PLPPR1: variants seen among roughly 807,000 people sequenced by gnomAD.
The protein encoded by PLPPR1 is phospholipid phosphatase related 1.
Under a neutral mutation model 33.1 loss-of-function variants are expected in PLPPR1, and 10 were observed. The ratio of observed to expected loss-of-function variants is 0.30; its 90% CI spans 0.19 to 0.51. PLPPR1 has a LOEUF of 0.51. Ranked by LOEUF, PLPPR1 falls within the 20% of genes least tolerant of loss-of-function variation. PLPPR1 has a pLI of 0.97. For missense variants in PLPPR1, 304 were observed against 408.1 expected (o/e 0.74, Z 2.20); for synonymous variants, 151 against 151.0 (o/e 1.00, Z 0.00).
intron 2 of PLPPR1, among the ~76,000 whole-genome samples, chr9:101,208,937 T>A (rs879896008): frequency 6.6e-6 from 1 of 152,202 alleles, no homozygotes; most frequent in Non-Finnish European, 1.5e-5. Flanking sequence ...ATTCACTTAC[T>A]GTCATTTATT....
chr9:101,046,090 T>A (rs1830139778), intron 1 of PLPPR1, among the ~76,000 whole-genome samples: 1 of 152,310 alleles, frequency 6.6e-6, no homozygotes, highest in African/African-American at 2.4e-5. Context: ...CTAATGCATC[T>A]ATGTGTCTGT....
intron 1 of PLPPR1, among the ~76,000 whole-genome samples, chr9:101,145,879 G>T (rs1329193740): frequency 6.7e-6 from 1 of 148,314 alleles, no homozygotes; most frequent in East Asian, 2.0e-4. Flanking sequence ...AGCCAAATAT[G>T]CTGGCAAGTG....
chr9:101,076,176 G>C (rs377720702), intron 1 of PLPPR1, among the ~76,000 whole-genome samples: 114 of 152,178 alleles, frequency 7.5e-4, no homozygotes, highest in African/African-American at 2.6e-3. Flanking sequence ...ACACTCTGGG[G>C]TGGGGCCCAG....
chr9:101,207,994 C>T (rs1221836080), intron 2 of PLPPR1, among the ~76,000 whole-genome samples: 1 of 152,140 alleles, frequency 6.6e-6, no homozygotes, highest in African/African-American at 2.4e-5. Flanking sequence ...ATGCCTCCTG[C>T]AAAGTTGAAA....
At chr9:101,276,554 G>A (rs1172710807) in intron 3 of PLPPR1, among the ~76,000 whole-genome samples, 1 of 152,060 alleles carries the variant, frequency 6.6e-6, no homozygotes, top group Non-Finnish European at 1.5e-5. Context: ...AAAAATATGT[G>A]ATTTTCAATG....
chr9:101,275,681 A>G (rs1476265886), intron 3 of PLPPR1, among the ~76,000 whole-genome samples: 1 of 152,288 alleles, frequency 6.6e-6, no homozygotes, highest in East Asian at 1.9e-4. Flanking sequence ...CTCAGCAGAG[A>G]ATCTGATTTA....
intron 3 of PLPPR1, among the ~76,000 whole-genome samples, chr9:101,276,740 C>G (rs1342319289): frequency 6.6e-6 from 1 of 152,220 alleles, no homozygotes; most frequent in Non-Finnish European, 1.5e-5. Context: ...TATTTTATAT[C>G]AAGTGCCACC....
At chr9:101,059,621 A>G (rs1254961668) in intron 1 of PLPPR1, among the ~76,000 whole-genome samples, 1 of 152,128 alleles carries the variant, frequency 6.6e-6, no homozygotes, top group Non-Finnish European at 1.5e-5. Context: ...CTCAATAGCA[A>G]AACCACAAAT....
chr9:101,322,312 T>C (rs1283752614), intron 7 of PLPPR1, among the ~76,000 whole-genome samples: 2 of 150,362 alleles, frequency 1.3e-5, no homozygotes, highest in Non-Finnish European at 3.0e-5. Flanking sequence ...ACCCAAAGCA[T>C]TGAGTTTTAA....
intron 1 of PLPPR1, among the ~76,000 whole-genome samples, chr9:101,095,160 ACTT>A (rs541876507): frequency 6.6e-6 from 1 of 152,164 alleles, no homozygotes; most frequent in Non-Finnish European, 1.5e-5. Context: ...CAATAGTCTC[ACTT>A]CTTCTATCCT....
At chr9:101,196,328 G>A (rs896854088) in intron 2 of PLPPR1, among the ~76,000 whole-genome samples, 1 of 152,164 alleles carries the variant, frequency 6.6e-6, no homozygotes, top group Non-Finnish European at 1.5e-5. Context: ...TGTTGAGAGA[G>A]TAGCTTGGCA....
chr9:101,282,858 G>C (rs1226532270), intron 3 of PLPPR1, among the ~76,000 whole-genome samples: 1 of 152,126 alleles, frequency 6.6e-6, no homozygotes, highest in African/African-American at 2.4e-5. Context: ...ACAATGAAAA[G>C]TATAAAATAT....
chr9:101,236,253 A>G (rs567950929), intron 2 of PLPPR1, among the ~76,000 whole-genome samples: 102 of 151,844 alleles, frequency 6.7e-4, no homozygotes, highest in Non-Finnish European at 1.1e-3. Context: ...AGTCAATGCA[A>G]ATTTTTTTCT....
chr9:101,215,558 C>T (rs1366032851), intron 2 of PLPPR1, among the ~76,000 whole-genome samples: 3 of 152,130 alleles, frequency 2.0e-5, no homozygotes, highest in African/African-American at 7.2e-5. Context: ...TGTGAGCCAC[C>T]GCGCCCAGCT....
chr9:101,225,537 C>G (rs1270010039), intron 2 of PLPPR1, among the ~76,000 whole-genome samples: 1 of 152,074 alleles, frequency 6.6e-6, no homozygotes, highest in Non-Finnish European at 1.5e-5. Flanking sequence ...ATTTCTTAAC[C>G]CAATTGCAAA....
intron 7 of PLPPR1, among the ~76,000 whole-genome samples, chr9:101,322,256 A>T (rs1829168805): frequency 6.7e-6 from 1 of 149,682 alleles, no homozygotes; most frequent in Non-Finnish European, 1.5e-5. Context: ...CAATAATAAT[A>T]ATTAGATCAA....
Position 101,317,224 on chromosome 9 carries a change from C to G in PLPPR1, c.814-141C>G, listed in dbSNP as rs565208810. ...TTAAACAGACGTTTCCACAGCACTT[C>G]CCATAGTCCCTTTCCCCTCTCTCAA... On this transcript the variant is annotated intron_variant, in intron 6 of 7. Coordinates refer to ENST00000374874, the MANE Select transcript of PLPPR1 (RefSeq NM_207299.2). 153 of 839,672 alleles carry G rather than the reference C, an allele frequency of 1.8e-4. 1 individual carries two copies. The African/African-American group carries it at 2.5e-3, about 14-fold the overall frequency. 52.0% of individuals were successfully genotyped at this position (839,672 alleles called of 1,614,324 possible).
chr9:101,150,823 G>A (rs1315844066), intron 1 of PLPPR1, among the ~76,000 whole-genome samples: 1 of 151,902 alleles, frequency 6.6e-6, no homozygotes, highest in South Asian at 2.1e-4. Flanking sequence ...TTTATGATAT[G>A]TTTGTGAACT....
chr9:101,071,495 C>T (rs1830481557), intron 1 of PLPPR1, among the ~76,000 whole-genome samples: 1 of 152,072 alleles, frequency 6.6e-6, no homozygotes, highest in African/African-American at 2.4e-5. Context: ...ACGTGCCAGA[C>T]ATAGTGTCAG....
Sources: gnomAD v4.1 joint callset for allele counts (sites outside exome capture counted in the v4.1 genomes callset) on GRCh38, gnomAD v4.1.1 for gene constraint, MANE v1.5 for transcripts, NCBI Gene and HGNC (gene_info 2026-07-23, HGNC 2026-07-21) for gene names.